Variants in SHC2 observed in about 807,000 individuals in gnomAD.
SHC2 encodes the protein SHC adaptor protein 2, also known as SHC-transforming protein 2.
In SHC2, 62 loss-of-function variants were observed where a neutral mutation model predicts 60.6. The ratio of observed to expected loss-of-function variants is 1.02; its 90% CI spans 0.83 to 1.26. SHC2 has a LOEUF of 1.26. Ranked by LOEUF, SHC2 falls within the 50% of genes most tolerant of loss-of-function variation. SHC2 has a pLI of 0.00. For synonymous variants in SHC2, 375 were observed against 372.4 expected, an observed-to-expected ratio of 1.01 and a Z score of -0.08; for missense variants, 873 against 822.2, an observed-to-expected ratio of 1.06 and a Z score of -0.76.
chr19:460,754 G>A lies in SHC2; in HGVS notation c.243C>T (p.Gly81=), dbSNP rs1258100278. 5 of 979,398 alleles carry A rather than the reference G, an allele frequency of 5.1e-6. No individual in the cohort carries two copies. In the East Asian group the frequency reaches 3.5e-4, roughly 68 times the overall value. The allele number at this position is 979,398 out of a possible 1,614,324, so 60.7% of individuals were successfully genotyped here. The change falls in exon 1 of 13, where the codon GGC becomes GGT. Residue 81 remains glycine, a synonymous_variant. Transcript: ENST00000264554. ...GCGCGGCGCAGCGGGGCTCGCAGGC[G>A]CCCAGGACGGCGGCCGCCAGCGCCG... ...GVPALAAAVL[G]ACEPRCAAPC...
chr19:442,999 GTGGATGGATGGA>G (rs1974942067), intron 1 of SHC2, among the ~76,000 whole-genome samples: 1 of 135,020 alleles, frequency 7.4e-6, no homozygotes, highest in African/African-American at 2.8e-5. Flanking sequence ...GCATGGGTGG[GTGGATGGATGGA>G]TGAATGGGTG....
chr19:440,244 C>T lies in SHC2; in HGVS notation c.539+618G>A, dbSNP rs879642085. Among the ~76,000 whole-genome samples the T allele has an allele frequency of 4.0e-5, 6 of 151,008 alleles. No homozygotes were observed. Among genetic ancestry groups the T allele is most frequent in the Admixed American group, 6.6e-5 (1 of 15,172 alleles). On this transcript the variant is annotated intron_variant, in intron 2 of 12. Transcript: ENST00000264554. The surrounding 1 kb of genome is among the most constrained non-coding windows in gnomAD (Gnocchi z 7.0). ...GGACGGGGAGTGGCTGTGATGGGGA[C>T]GGGGTGTTTTGATGGGGTAATGAGA...
chr19:460,446 C>CG (rs1450815058), intron 1 of SHC2, 83 bp downstream of exon 1: 1 of 456,994 alleles, frequency 2.2e-6, no homozygotes, highest in Non-Finnish European at 2.8e-6. Context: ...ACCTGGCTCG[C>CG]GGGGTCCGGG....
At chr19:420,304 G>A (rs947918007) in intron 11 of SHC2, among the ~76,000 whole-genome samples, 1 of 152,136 alleles carries the variant, frequency 6.6e-6, no homozygotes, top group South Asian at 2.1e-4. Context: ...CCCAGGCCGG[G>A]GTGCACAAGA....
rs533872270 is a variant in SHC2, at chr19:426,248, C to T, written c.1175-1017G>A. 1.4e-4 allele frequency among the ~76,000 whole-genome samples: 21 copies of T among 152,320 alleles called. No homozygotes were observed. The East Asian group carries it at 2.3e-3, about 17-fold the overall frequency. On this transcript the variant is annotated intron_variant, in intron 9 of 12. Transcript: ENST00000264554. ...GACGAGGGCAGAGGGGCTTCTCCCCCGCCTTCCCAGTCTACCAAGAGGGGC... is the reference window on the plus strand; with the variant it reads ...GACGAGGGCAGAGGGGCTTCTCCCCTGCCTTCCCAGTCTACCAAGAGGGGC...
intron 1 of SHC2, among the ~76,000 whole-genome samples, chr19:458,399 G>A (rs1975430860): frequency 7.0e-6 from 1 of 142,028 alleles, no homozygotes; most frequent in Admixed American, 6.9e-5. Flanking sequence ...TCGGGTTCCG[G>A]GGAGGCGGAA....
chr19:430,603 C>G, intron 9 of SHC2, 81 bp downstream of exon 9: 2 of 1,106,760 alleles, frequency 1.8e-6, no homozygotes, highest in Non-Finnish European at 2.7e-6. Context: ...AGGAGAAAGA[C>G]TGAGGGGGAG....
At chr19:429,592 A>AT in intron 9 of SHC2, among the ~76,000 whole-genome samples, 1 of 145,296 alleles carries the variant, frequency 6.9e-6, no homozygotes, top group Admixed American at 6.9e-5. Context: ...CAGTACCTAT[A>AT]CCCAACATGC....
At position 425,246 on chromosome 19, in the gene SHC2, G is replaced by A. The variant is rs149933031; in HGVS notation, c.1175-15C>T. 827 of 1,319,136 alleles carry A rather than the reference G, an allele frequency of 6.3e-4. 4 individuals are homozygous for A. The African/African-American group carries it at 0.011, about 18-fold the overall frequency. 81.7% of individuals were successfully genotyped at this position (1,319,136 alleles called of 1,614,324 possible). On this transcript the variant is annotated splice_polypyrimidine_tract_variant and intron_variant, in intron 9 of 12. Coordinates refer to ENST00000264554, the MANE Select transcript of SHC2 (RefSeq NM_012435.3). This position sits in a 1 kb window ranked among gnomAD's most constrained non-coding sequence, Gnocchi z 4.1. Reference sequence around the variant, plus strand: ...CCCCGGTGGAGCTGGGGAGTGTAAAGAGGGGCAGGGGGTCAGCTGGGAGCC... The same window carrying A: ...CCCCGGTGGAGCTGGGGAGTGTAAAAAGGGGCAGGGGGTCAGCTGGGAGCC...
At chr19:420,025 T>A (rs551660307) in intron 11 of SHC2, 1 of 152,370 alleles carries the variant, frequency 6.6e-6, no homozygotes, top group Admixed American at 6.5e-5. Flanking sequence ...CACAATCACG[T>A]CCTTCTGTGT....
At position 445,277 on chromosome 19, in the gene SHC2, C is replaced by T. The variant is rs1015750092; in HGVS notation, c.469-4345G>A. On this transcript the variant is annotated intron_variant, in intron 1 of 12. Coordinates refer to ENST00000264554, the MANE Select transcript of SHC2 (RefSeq NM_012435.3). The surrounding 1 kb of genome is among the most constrained non-coding windows in gnomAD (Gnocchi z 4.4). ...GAGGAGGCTATGAGGGCTCCACCCT[C>T]AGGACTGGGATCAGTGCCCTTATAA... is the stretch of plus-strand genomic sequence containing the variant. Among the ~76,000 whole-genome samples the T allele has an allele frequency of 6.6e-6, 1 of 152,186 alleles. No homozygotes were observed. Among genetic ancestry groups the T allele is most frequent in the Non-Finnish European group, 1.5e-5 (1 of 68,034 alleles).
intron 1 of SHC2, among the ~76,000 whole-genome samples, chr19:451,346 G>A (rs1227533864): frequency 6.8e-6 from 1 of 146,442 alleles, no homozygotes; most frequent in Admixed American, 6.7e-5. Flanking sequence ...CCGTGGCTGT[G>A]CCGTATTTCA....
intron 9 of SHC2, among the ~76,000 whole-genome samples, chr19:426,907 TCCCTGGA>T (rs1374291954): frequency 6.6e-6 from 1 of 150,520 alleles, no homozygotes; most frequent in African/African-American, 2.5e-5. Flanking sequence ...GGTGGAGGAA[TCCCTGGA>T]CCCTGGACCC....
At chr19:434,939 G>C in intron 7 of SHC2, 74 bp from the exon 8 acceptor site, 1 of 1,462,962 alleles carries the variant, frequency 6.8e-7, no homozygotes, top group Non-Finnish European at 9.2e-7. Flanking sequence ...TTGAGCTTCT[G>C]GGGGAGCAGG....
At chr19:459,766 T>A (rs892770037) in intron 1 of SHC2, among the ~76,000 whole-genome samples, 2 of 152,170 alleles carry the variant, frequency 1.3e-5, no homozygotes, top group Non-Finnish European at 2.9e-5. Flanking sequence ...CACCCACCGG[T>A]AGTGGCGTGC....
At chr19:457,989 CCGG>C (rs1975398504) in intron 1 of SHC2, among the ~76,000 whole-genome samples, 2 of 136,194 alleles carry the variant, frequency 1.5e-5, no homozygotes, top group South Asian at 2.4e-4. Context: ...GAGGCGGAAG[CCGG>C]TCCCGGGGAG....
intron 1 of SHC2, among the ~76,000 whole-genome samples, chr19:442,446 GATGGATGGATGA>G (rs1974896315): frequency 1.5e-5 from 2 of 133,410 alleles, no homozygotes; most frequent in African/African-American, 2.8e-5. Flanking sequence ...CGGGTGGATG[GATGGATGGATGA>G]ATGGGTGGGT....
At chr19:429,299 C>T (rs1320574890) in intron 9 of SHC2, among the ~76,000 whole-genome samples, 1 of 142,506 alleles carries the variant, frequency 7.0e-6, no homozygotes, top group Admixed American at 7.1e-5. Context: ...AGTACCTATA[C>T]CCAACATGCA....
Position 425,038 on chromosome 19 carries a change from TC to T in SHC2, c.1309+58del. ...TAGGGAGTGGGGGTGGGGTTGTGCC[TC>T]CCCCATCAGACAACACGGCCACACG... On this transcript the variant is annotated intron_variant, in intron 10 of 12. Coordinates refer to ENST00000264554, the MANE Select transcript of SHC2 (RefSeq NM_012435.3). This position sits in a 1 kb window ranked among gnomAD's most constrained non-coding sequence, Gnocchi z 4.1. The T allele has an allele frequency of 1.7e-5, 22 of 1,326,160 alleles. No homozygotes were observed. Among genetic ancestry groups the T allele is most frequent in the Non-Finnish European group, 2.1e-5 (21 of 1,024,278 alleles). 82.1% of individuals were successfully genotyped at this position (1,326,160 alleles called of 1,614,324 possible). A position where few individuals can be genotyped will look rare whatever the true frequency, so the allele number is the denominator to read the frequency against.
Sources: allele counts gnomAD v4.1 joint callset (sites outside exome capture counted in the v4.1 genomes callset), GRCh38; gene constraint gnomAD v4.1.1; non-coding constraint Gnocchi (gnomAD v3.1); transcripts MANE v1.5; gene names NCBI Gene and HGNC (gene_info 2026-07-23, HGNC 2026-07-21).